ALDH1L1: variants seen among roughly 807,000 people sequenced by gnomAD.
The protein encoded by ALDH1L1 is aldehyde dehydrogenase 1 family member L1.
ALDH1L1 carries 68 observed loss-of-function variants against 101.1 expected under a neutral mutation model. The observed-to-expected ratio is 0.67, with a 90% CI of 0.55 to 0.82. The LOEUF (loss-of-function observed/expected upper bound fraction) is 0.82, where lower values mean the gene tolerates loss of function less well. Ranked by LOEUF, ALDH1L1 falls within the 40% of genes least tolerant of loss-of-function variation. The probability of loss-of-function intolerance (pLI) is 0.00; values close to 1 mark genes in which losing one functional copy is unlikely to be tolerated. For synonymous variants in ALDH1L1, 486 were observed against 470.8 expected, an observed-to-expected ratio of 1.03 and a Z score of -0.42; for missense variants, 1,087 against 1,172.7, an observed-to-expected ratio of 0.93 and a Z score of 1.07.
chr3:126,180,713 C>A (rs2081461350), upstream of ALDH1L1: 3 of 1,394,918 alleles, frequency 2.2e-6, no homozygotes, highest in Non-Finnish European at 2.8e-6. Flanking sequence ...GCGCAGCGCA[C>A]CCTCTCCGGG....
At chr3:126,125,583 T>C (rs764317109) in intron 15 of ALDH1L1, 33 bp downstream of exon 15, 29 of 1,452,078 alleles carry the variant, frequency 2.0e-5, no homozygotes, top group Non-Finnish European at 2.7e-5. Context: ...CTCTGTGGCC[T>C]GCAGGCCCTG....
At chr3:126,195,447 C>T (rs372570712) in intron 1 of ALDH1L1, among the ~76,000 whole-genome samples, 1 of 152,158 alleles carries the variant, frequency 6.6e-6, no homozygotes, top group African/African-American at 2.4e-5. Flanking sequence ...CAAAAGAAGA[C>T]CCAGTAGTTT....
chr3:126,176,455 C>T (rs1407237177), intron 1 of ALDH1L1, among the ~76,000 whole-genome samples: 1 of 152,138 alleles, frequency 6.6e-6, no homozygotes, highest in Non-Finnish European at 1.5e-5. Flanking sequence ...GTAATCAAGA[C>T]AGTACGGTAT....
Position 126,155,395 on chromosome 3 carries a change from C to A in ALDH1L1, c.630+7G>T. The A allele has an allele frequency of 6.2e-7, 1 of 1,611,480 alleles. No homozygotes were observed. Among genetic ancestry groups the A allele is most frequent in the African/African-American group, 1.3e-5 (1 of 75,040 alleles). On this transcript the variant is annotated splice_region_variant and intron_variant, in intron 5 of 22. Transcript: ENST00000393434. ...AGGATGAGGGTGTGGAGGGACCCAGCACTCACCTTGGCTGTCTCCTTCTTC... is the reference window on the plus strand; with the variant it reads ...AGGATGAGGGTGTGGAGGGACCCAGAACTCACCTTGGCTGTCTCCTTCTTC...
intron 22 of ALDH1L1, chr3:126,105,006 AG>A (rs1167841752): frequency 6.2e-6 from 1 of 161,196 alleles, no homozygotes; most frequent in Non-Finnish European, 1.4e-5. Flanking sequence ...GGAGCAGCCC[AG>A]GGAGAGAGGG....
At chr3:126,177,636 T>C (rs938440697) in intron 1 of ALDH1L1, among the ~76,000 whole-genome samples, 3 of 152,190 alleles carry the variant, frequency 2.0e-5, no homozygotes, top group African/African-American at 7.2e-5. Context: ...CACTGGATAC[T>C]CATCATTATA....
upstream of ALDH1L1, chr3:126,180,656 T>G: frequency 3.0e-6 from 4 of 1,321,170 alleles, no homozygotes; most frequent in South Asian, 3.7e-5. Flanking sequence ...GGGCGGAGAG[T>G]CAGCCGAGTG....
At chr3:126,167,758 C>T (rs762575076) in intron 1 of ALDH1L1, among the ~76,000 whole-genome samples, 1 of 152,050 alleles carries the variant, frequency 6.6e-6, no homozygotes, top group Non-Finnish European at 1.5e-5. Context: ...AGAGTATTGC[C>T]CAACTAAACT....
rs143992300 is a variant in ALDH1L1 at position 126,195,032 on chromosome 3, C to T, written c.-24+2703G>A. On this transcript the variant is annotated intron_variant, in intron 1 of 2. Coordinates refer to the ALDH1L1 transcript ENST00000509952. ...TATTTTAGGACAAAAATTTACCATG[C>T]GAGATCCTTTCCTATATAAAATCTC... Among the ~76,000 whole-genome samples, 770 of 151,672 alleles carry T rather than the reference C, an allele frequency of 5.1e-3. 10 individuals are homozygous for T. Among genetic ancestry groups the T allele is most frequent in the African/African-American group, 0.017 (688 of 41,330 alleles).
intron 16 of ALDH1L1, among the ~76,000 whole-genome samples, chr3:126,123,650 T>C: frequency 1.1e-5 from 1 of 89,532 alleles, no homozygotes; most frequent in Middle Eastern, 6.6e-3. Context: ...AAAAAAAAAA[T>C]AGAAGAACCA....
intron 5 of ALDH1L1, among the ~76,000 whole-genome samples, chr3:126,155,050 C>T (rs1211785315): frequency 6.6e-6 from 1 of 152,164 alleles, no homozygotes; most frequent in Non-Finnish European, 1.5e-5. Flanking sequence ...GGCTATTGCT[C>T]CAGAGACCCG....
At chr3:126,119,606 A>G (rs1324700418) in intron 16 of ALDH1L1, among the ~76,000 whole-genome samples, 2 of 152,230 alleles carry the variant, frequency 1.3e-5, no homozygotes, top group African/African-American at 2.4e-5. Flanking sequence ...CAGGTTTGGA[A>G]TAAGACCCTT....
At chr3:126,150,257 A>G (rs73200457) in intron 8 of ALDH1L1, 149 bp downstream of exon 8, 31,252 of 1,321,966 alleles carry the variant, frequency 0.024, 444 homozygotes, top group Non-Finnish European at 0.027. Flanking sequence ...GAAAGCTCCA[A>G]GACGAGATAG....
rs1245989454 is a variant in ALDH1L1 at position 126,112,835 on chromosome 3, C to A, written c.2128G>T (p.Ala710Ser). 1 of 1,613,656 alleles carries A rather than the reference C, an allele frequency of 6.2e-7. No homozygotes were observed. Residue 710 changes from alanine to serine, a missense_variant, in exon 19 of 23, where the codon GCA becomes TCA. Physicochemically the swap from Ala to Ser is moderately conservative, Grantham distance 99. This residue lies in a region of ALDH1L1 where 442 missense variants were observed against 535.7 expected (regional missense o/e 0.83). Coordinates refer to ENST00000393434, the MANE Select transcript of ALDH1L1 (RefSeq NM_012190.4). ...GAGTCCTCCACAAAGAGTCGGCCTG[C>A]TGCAATGCAATTCTCTCCTTTGTTG... ...FFNKGENCIA[A>S]GRLFVEDSIH...
At chr3:126,195,371 C>A (rs4350878) in intron 1 of ALDH1L1, among the ~76,000 whole-genome samples, 14 of 151,970 alleles carry the variant, frequency 9.2e-5, no homozygotes, top group Admixed American at 6.5e-5. Flanking sequence ...TTCTTTAGGC[C>A]AATTAATTAG....
intron 12 of ALDH1L1, among the ~76,000 whole-genome samples, chr3:126,134,030 A>C (rs1481360578): frequency 6.6e-6 from 1 of 152,122 alleles, no homozygotes; most frequent in East Asian, 1.9e-4. Flanking sequence ...AGCTTCCACA[A>C]TTGTGTAATG....
chr3:126,155,357 T>C (rs1367154985), intron 5 of ALDH1L1, 45 bp downstream of exon 5: 1 of 1,561,442 alleles, frequency 6.4e-7, no homozygotes, highest in Non-Finnish European at 8.7e-7. Flanking sequence ...ACAACCCCAG[T>C]CTGCTCACAG....
intron 8 of ALDH1L1, among the ~76,000 whole-genome samples, chr3:126,149,647 A>T (rs1192806730): frequency 6.6e-6 from 1 of 152,158 alleles, no homozygotes; most frequent in African/African-American, 2.4e-5. Context: ...ATCCTTGCTG[A>T]GCCTTGCCGC....
chr3:126,154,593 G>A lies in ALDH1L1; in HGVS notation c.681C>T (p.Asn227=), dbSNP rs374387532. 1.2e-4 allele frequency: 198 copies of A among 1,614,052 alleles called. No homozygotes were observed. The highest frequency in any genetic ancestry group is 3.0e-4 in the South Asian group (27 of 91,090). ...AEAIHNWIRG[N]DKVPGAWTEA... The stretch of plus-strand genomic sequence containing the variant: ...CTGTCCAGGCTCCCGGCACCTTGTC[G>A]TTCCCGCGGATCCAGTTGTGAATGG... The change falls in exon 6 of 23, where the codon AAC becomes AAT. Residue 227 remains asparagine (N), a synonymous_variant. Transcript: ENST00000393434.
Sources: gnomAD v4.1 joint callset for allele counts (sites outside exome capture counted in the v4.1 genomes callset) on GRCh38, gnomAD v4.1.1 for gene constraint, gnomAD v4.1.1 regional missense constraint, MANE v1.5 for transcripts, NCBI Gene and HGNC (gene_info 2026-07-23, HGNC 2026-07-21) for gene names.